The following SEMA3A variants were observed in gnomAD, a reference collection of about 807,000 sequenced individuals.
The protein encoded by SEMA3A is semaphorin-3A.
SEMA3A carries 29 observed loss-of-function variants against 97.9 expected under a neutral mutation model. That is an observed-to-expected ratio of 0.30 (90% CI 0.22 to 0.40). The LOEUF (loss-of-function observed/expected upper bound fraction) is 0.40. Among genes scored for constraint, SEMA3A ranks in the 10% least tolerant of loss-of-function variants. The probability of loss-of-function intolerance (pLI) is 1.00; values close to 1 mark genes in which losing one functional copy is unlikely to be tolerated. For synonymous variants in SEMA3A, 321 were observed against 323.7 expected, an observed-to-expected ratio of 0.99 and a Z score of 0.09; for missense variants, 763 against 951.3, an observed-to-expected ratio of 0.80 and a Z score of 2.60.
chr7:83,963,131 A>T, intron 16 of SEMA3A, 74 bp downstream of exon 16: 1 of 1,525,300 alleles, frequency 6.6e-7, no homozygotes, highest in East Asian at 2.3e-5. Context: ...TTCTTTCCTC[A>T]AGTGAAAAAT....
intron 2 of SEMA3A, among the ~76,000 whole-genome samples, chr7:84,358,943 T>C (rs182978987): frequency 2.1e-3 from 314 of 152,258 alleles, no homozygotes; most frequent in African/African-American, 7.1e-3. Context: ...TTGTCTGTTA[T>C]TGGTGTATAA....
At chr7:84,008,116 CTCA>C (rs1790738176) in intron 9 of SEMA3A, among the ~76,000 whole-genome samples, 1 of 152,096 alleles carries the variant, frequency 6.6e-6, no homozygotes, top group African/African-American at 2.4e-5. Flanking sequence ...AGCAATTATA[CTCA>C]TCATTTCACT....
intron 4 of SEMA3A, among the ~76,000 whole-genome samples, chr7:84,075,725 G>T (rs1793923947): frequency 6.6e-6 from 1 of 152,094 alleles, no homozygotes; most frequent in Non-Finnish European, 1.5e-5. Flanking sequence ...TCAAAGTGCT[G>T]GGATTACAGA....
chr7:84,034,790 T>TC (rs1275831739), intron 6 of SEMA3A, among the ~76,000 whole-genome samples: 1 of 15,040 alleles, frequency 6.6e-5, no homozygotes, highest in Non-Finnish European at 1.9e-4. Flanking sequence ...TTTTTTTGTC[T>TC]TTTTTTTCCC....
intron 4 of SEMA3A, among the ~76,000 whole-genome samples, chr7:84,095,370 T>TTATATATATTTTATTTTTTTTATATAC (rs1562778249): frequency 7.4e-5 from 4 of 54,214 alleles, no homozygotes; most frequent in Non-Finnish European, 1.8e-4. Context: ...TATATATATA[T>TTATATATATTTTATTTTTTTTATATAC]ATATATATAT....
intron 3 of SEMA3A, among the ~76,000 whole-genome samples, chr7:84,217,875 A>G (rs1408862340): frequency 6.6e-6 from 1 of 152,088 alleles, no homozygotes; most frequent in Non-Finnish European, 1.5e-5. Context: ...CCAGCAGTTT[A>G]AAATCAGCTT....
chr7:84,365,710 C>T (rs2189118), intron 2 of SEMA3A, among the ~76,000 whole-genome samples: 12,919 of 151,126 alleles, frequency 0.085, 553 homozygotes, highest in East Asian at 0.13. Flanking sequence ...GCAACAACTT[C>T]AAAATCACTC....
chr7:83,988,818 A>G (rs888176204), intron 12 of SEMA3A, among the ~76,000 whole-genome samples: 5 of 151,832 alleles, frequency 3.3e-5, no homozygotes, highest in Non-Finnish European at 5.9e-5. Context: ...TAGTGGCCAC[A>G]AATCTCAAAA....
chr7:84,102,281 T>C (rs1794979135), intron 4 of SEMA3A, among the ~76,000 whole-genome samples: 1 of 152,218 alleles, frequency 6.6e-6, no homozygotes, highest in Non-Finnish European at 1.5e-5. Context: ...TCTACTTATC[T>C]GCCTTAAGAG....
intron 3 of SEMA3A, among the ~76,000 whole-genome samples, chr7:84,249,622 A>C (rs1799560947): frequency 6.6e-6 from 1 of 152,020 alleles, no homozygotes; most frequent in Non-Finnish European, 1.5e-5. Flanking sequence ...GTTTTTAAAG[A>C]GATAAAACCA....
chr7:84,272,980 T>A (rs192434662), intron 3 of SEMA3A, among the ~76,000 whole-genome samples: 8 of 152,252 alleles, frequency 5.3e-5, no homozygotes, highest in Non-Finnish European at 1.2e-4. Context: ...AAAATCTGCA[T>A]CTTGCTTAAA....
chr7:83,989,968 C>T (rs954179756), intron 12 of SEMA3A, among the ~76,000 whole-genome samples: 2 of 151,936 alleles, frequency 1.3e-5, no homozygotes, highest in Non-Finnish European at 2.9e-5. Context: ...TCCACATCCT[C>T]TCCAGCACCT....
intron 6 of SEMA3A, among the ~76,000 whole-genome samples, chr7:84,036,037 T>C (rs528898782): frequency 3.0e-4 from 46 of 152,176 alleles, no homozygotes; most frequent in Admixed American, 1.2e-3. Flanking sequence ...ACTGGGTGTA[T>C]TTAGACAAAG....
intron 15 of SEMA3A, among the ~76,000 whole-genome samples, chr7:83,964,378 C>T (rs185824548): frequency 5.1e-4 from 78 of 152,302 alleles, no homozygotes; most frequent in African/African-American, 1.8e-3. Context: ...ACTTCAAACT[C>T]AGCTAGATTT....
At chr7:84,354,188 T>G (rs760728351) in intron 2 of SEMA3A, among the ~76,000 whole-genome samples, 1 of 151,564 alleles carries the variant, frequency 6.6e-6, no homozygotes, top group Non-Finnish European at 1.5e-5. Context: ...TAAAAAGAAT[T>G]GACAATGTAT....
chr7:84,009,916 A>AAC (rs1554393282), intron 9 of SEMA3A, among the ~76,000 whole-genome samples: 12 of 149,962 alleles, frequency 8.0e-5, no homozygotes, highest in African/African-American at 3.0e-4. Context: ...AAAAAAAAAA[A>AAC]AAAAAAAAAA....
rs1366191767 is a variant in SEMA3A at position 84,033,684 on chromosome 7, G to T, written c.667+12640C>A. ...AGGGAACAAAAACCACTTTTATGTC[G>T]CTTTTAATAATCAAAAGTATAATAT... is the stretch of plus-strand genomic sequence containing the variant. On this transcript the variant is annotated intron_variant, in intron 6 of 16. Transcript: ENST00000265362. Among the ~76,000 whole-genome samples the T allele has an allele frequency of 3.3e-5, 5 of 152,062 alleles. No individual in the cohort carries two copies. In the South Asian group the frequency reaches 1.0e-3, roughly 32 times the overall value.
intron 4 of SEMA3A, among the ~76,000 whole-genome samples, chr7:84,080,345 A>C (rs1197123340): frequency 6.6e-6 from 1 of 151,896 alleles, no homozygotes; most frequent in Non-Finnish European, 1.5e-5. Context: ...TAAAACTTAA[A>C]GTATAATAAT....
intron 5 of SEMA3A, among the ~76,000 whole-genome samples, chr7:84,055,460 C>G (rs940606902): frequency 3.3e-5 from 5 of 152,048 alleles, no homozygotes; most frequent in Admixed American, 3.3e-4. Context: ...GGGAGTGACC[C>G]GATTTTCCAG....
Sources: allele counts gnomAD v4.1 joint callset (sites outside exome capture counted in the v4.1 genomes callset), GRCh38; gene constraint gnomAD v4.1.1; transcripts MANE v1.5; gene names NCBI Gene and HGNC (gene_info 2026-07-23, HGNC 2026-07-21).